Variants in UNC13C observed in about 807,000 individuals in gnomAD.
UNC13C encodes the protein unc-13 homolog C.
Under a neutral mutation model 245.4 loss-of-function variants are expected in UNC13C, and 174 were observed. The observed-to-expected ratio is 0.71, with a 90% CI of 0.63 to 0.80. The LOEUF (loss-of-function observed/expected upper bound fraction) is 0.80, where lower values mean the gene tolerates loss of function less well. UNC13C is among the 30% of genes least tolerant of loss of function. UNC13C has a pLI of 0.00. For missense variants in UNC13C, 2,829 were observed against 2,602.9 expected, an observed-to-expected ratio of 1.09 and a Z score of -1.89; for synonymous variants, 992 against 895.1, an observed-to-expected ratio of 1.11 and a Z score of -1.93.
intron 26 of UNC13C, among the ~76,000 whole-genome samples, chr15:54,538,153 A>AAAAAAAAAAAC (rs1896075101): frequency 6.9e-6 from 1 of 145,340 alleles, no homozygotes; most frequent in African/African-American, 2.6e-5. Flanking sequence ...AAAAAAAAAA[A>AAAAAAAAAAAC]AAAAAAAAAA....
intron 2 of UNC13C, among the ~76,000 whole-genome samples, chr15:54,131,835 C>T (rs2031434893): frequency 6.6e-6 from 1 of 152,044 alleles, no homozygotes; most frequent in Non-Finnish European, 1.5e-5. Flanking sequence ...TGTCTCAGTC[C>T]CTAACACTCT....
the UNC13C span, among the ~76,000 whole-genome samples, chr15:53,868,699 G>T: frequency 6.6e-6 from 1 of 152,180 alleles, no homozygotes; most frequent in Non-Finnish European, 1.5e-5. Context: ...GACCCATGCG[G>T]TCTGGAGGGA....
At position 54,146,974 on chromosome 15, in the gene UNC13C, T is replaced by A. The variant is rs2032286738; in HGVS notation, c.3071+3290T>A. Among the ~76,000 whole-genome samples the A allele has an allele frequency of 2.0e-5, 3 of 152,310 alleles. No homozygotes were observed. The South Asian group carries it at 6.2e-4, about 32-fold the overall frequency. On this transcript the variant is annotated intron_variant, in intron 4 of 32. Coordinates refer to ENST00000260323, the MANE Select transcript of UNC13C (RefSeq NM_001080534.3). ...CAGACAAATGCAGAGGAAAGTTTGCTTATTAGATGAGTCTTTCATTGGGTA... is the reference window on the plus strand; with the variant it reads ...CAGACAAATGCAGAGGAAAGTTTGCATATTAGATGAGTCTTTCATTGGGTA...
chr15:54,092,388 A>G (rs1489471418), intron 2 of UNC13C, among the ~76,000 whole-genome samples: 1 of 152,214 alleles, frequency 6.6e-6, no homozygotes, highest in African/African-American at 2.4e-5. Flanking sequence ...AAAAAATCAT[A>G]ACCATGATAG....
intron 1 of UNC13C, among the ~76,000 whole-genome samples, chr15:53,980,745 G>C (rs1434251063): frequency 6.6e-6 from 1 of 152,128 alleles, no homozygotes; most frequent in Non-Finnish European, 1.5e-5. Flanking sequence ...TATGTGCTAG[G>C]TAAATTCATG....
chr15:54,485,020 C>T (rs544232093), intron 19 of UNC13C, among the ~76,000 whole-genome samples: 17 of 150,488 alleles, frequency 1.1e-4, no homozygotes, highest in African/African-American at 3.7e-4. Flanking sequence ...TTTGTTTTAT[C>T]AACAATTCTT....
At chr15:54,072,351 A>T (rs959241650) in intron 2 of UNC13C, among the ~76,000 whole-genome samples, 1 of 152,212 alleles carries the variant, frequency 6.6e-6, no homozygotes, top group South Asian at 2.1e-4. Context: ...GTATCTATAG[A>T]TAAAATTGGT....
intron 4 of UNC13C, among the ~76,000 whole-genome samples, chr15:54,198,382 T>C (rs561037553): frequency 6.6e-6 from 1 of 152,000 alleles, no homozygotes; most frequent in African/African-American, 2.4e-5. Flanking sequence ...AAACACCACC[T>C]CCTGGCTAGA....
chr15:54,079,879 T>A (rs75565002), intron 2 of UNC13C, among the ~76,000 whole-genome samples: 1 of 152,094 alleles, frequency 6.6e-6, no homozygotes, highest in African/African-American at 2.4e-5. Context: ...GACATCCTTG[T>A]CTCGTTCCAG....
chr15:54,167,164 T>C (rs2163199), intron 4 of UNC13C, among the ~76,000 whole-genome samples: 5,139 of 152,084 alleles, frequency 0.034, 296 homozygotes, highest in African/African-American at 0.12. Flanking sequence ...CCCACATAAA[T>C]GTGGGCATTT....
At chr15:54,495,278 A>C (rs892879560) in intron 20 of UNC13C, among the ~76,000 whole-genome samples, 1 of 152,070 alleles carries the variant, frequency 6.6e-6, no homozygotes, top group Non-Finnish European at 1.5e-5. Flanking sequence ...TCCCTATGGC[A>C]GGCACTTTCC....
In UNC13C at chr15:54,267,277, TAACAA is replaced by T. The variant is rs796491801; in HGVS notation, c.3818+1799_3818+1803del. On this transcript the variant is annotated intron_variant, in intron 10 of 32. Coordinates refer to ENST00000260323, the MANE Select transcript of UNC13C (RefSeq NM_001080534.3). Reference sequence around the variant, plus strand: ...ATTTAGGAATTGATTCATCTTTTTTTAACAAAACAAAACAAAACAAAAAAACCCTG... The same window carrying T: ...ATTTAGGAATTGATTCATCTTTTTTTAACAAAACAAAACAAAAAAACCCTG... Among the ~76,000 whole-genome samples, 1,336 of 146,740 alleles carry T rather than the reference TAACAA, an allele frequency of 9.1e-3. 32 individuals carry two copies. The highest frequency in any genetic ancestry group is 0.035 in the African/African-American group (1,275 of 36,452).
chr15:54,056,056 A>G (rs1897504030), intron 2 of UNC13C, among the ~76,000 whole-genome samples: 2 of 152,204 alleles, frequency 1.3e-5, no homozygotes, highest in African/African-American at 4.8e-5. Context: ...CAAGAAATTA[A>G]CATCCAGCTG....
At chr15:54,031,728 T>C (rs1333867989) in intron 2 of UNC13C, among the ~76,000 whole-genome samples, 2 of 152,220 alleles carry the variant, frequency 1.3e-5, no homozygotes, top group Non-Finnish European at 2.9e-5. Context: ...ATGGCTTTCA[T>C]TGATGCCTTT....
At chr15:53,912,920 C>A in the UNC13C span, 2 of 152,216 alleles carry the variant, frequency 1.3e-5, no homozygotes, top group Non-Finnish European at 2.9e-5. Context: ...CCTCTGCATG[C>A]AGCTGGACCT....
intron 19 of UNC13C, among the ~76,000 whole-genome samples, chr15:54,439,828 A>G (rs937634261): frequency 6.6e-5 from 10 of 152,128 alleles, no homozygotes; most frequent in Non-Finnish European, 1.2e-4. Flanking sequence ...TTTGACATAC[A>G]CAATATATTA....
At chr15:54,070,916 C>T (rs1898293242) in intron 2 of UNC13C, among the ~76,000 whole-genome samples, 1 of 152,172 alleles carries the variant, frequency 6.6e-6, no homozygotes, top group Admixed American at 6.5e-5. Context: ...CACTATCATT[C>T]ATGGGATTTG....
chr15:53,994,834 T>G (rs951073200), intron 1 of UNC13C, among the ~76,000 whole-genome samples: 1 of 151,798 alleles, frequency 6.6e-6, no homozygotes, highest in Non-Finnish European at 1.5e-5. Context: ...ATTTTTAAAA[T>G]AAAAAAACAA....
chr15:54,615,945 T>G (rs1263219568), intron 30 of UNC13C, among the ~76,000 whole-genome samples: 1 of 152,100 alleles, frequency 6.6e-6, no homozygotes. Flanking sequence ...AACTTCTTTA[T>G]GTCTAAAACA....
Sources: gnomAD v4.1 joint callset for allele counts (sites outside exome capture counted in the v4.1 genomes callset) on GRCh38, gnomAD v4.1.1 for gene constraint, MANE v1.5 for transcripts, NCBI Gene and HGNC (gene_info 2026-07-23, HGNC 2026-07-21) for gene names.